The following PRDM16 variants were observed in gnomAD, a reference collection of about 807,000 sequenced individuals.
The protein encoded by PRDM16 is PR/SET domain 16.
A neutral mutation model predicts 110.6 loss-of-function variants in PRDM16; 23 were observed. That is an observed-to-expected ratio of 0.21 (90% CI 0.15 to 0.29). The LOEUF (loss-of-function observed/expected upper bound fraction) is 0.29. Among genes scored for constraint, PRDM16 ranks in the 10% least tolerant of loss-of-function variants. PRDM16 has a pLI of 1.00. For synonymous variants in PRDM16, 799 were observed against 781.8 expected (o/e 1.02, Z -0.37); for missense variants, 1,615 against 1,794.3 (o/e 0.90, Z 1.81).
chr1:3,178,234 G>A (rs1644111428), intron 1 of PRDM16, among the ~76,000 whole-genome samples: 1 of 152,188 alleles, frequency 6.6e-6, no homozygotes, highest in South Asian at 2.1e-4. Context: ...GCAGTTGCAG[G>A]GGCAGCTTTA....
rs1171983960 is a variant in PRDM16 at position 3,390,578 on chromosome 1, G to A, written c.573+5292G>A. Among the ~76,000 whole-genome samples, 5 of 152,150 alleles carry A rather than the reference G, an allele frequency of 3.3e-5. No individual in the cohort carries two copies. The South Asian group carries it at 1.0e-3, about 32-fold the overall frequency. On this transcript the variant is annotated intron_variant, in intron 4 of 16. Transcript: ENST00000270722. This position sits in a 1 kb window ranked among gnomAD's most constrained non-coding sequence, Gnocchi z 5.0. ...CAGGCATTGTGTTAGAAGAGTGGCC[G>A]CCGGTGGCCAGGCAGCACCGCGTGG...
At chr1:3,297,133 G>A (rs61237638) in intron 3 of PRDM16, among the ~76,000 whole-genome samples, 6,551 of 152,202 alleles carry the variant, frequency 0.043, 472 homozygotes, top group African/African-American at 0.15. Flanking sequence ...AAGGGGAGCG[G>A]TCAGCCCTTG....
At chr1:3,087,610 A>G (rs1339019392) in intron 1 of PRDM16, among the ~76,000 whole-genome samples, 2 of 152,108 alleles carry the variant, frequency 1.3e-5, no homozygotes, top group Non-Finnish European at 2.9e-5. Context: ...CCGCAGATGC[A>G]TTCTTAGTCA....
intron 1 of PRDM16, among the ~76,000 whole-genome samples, chr1:3,116,322 G>A (rs72846094): frequency 0.021 from 3,157 of 152,264 alleles, 111 homozygotes; most frequent in African/African-American, 0.072. Flanking sequence ...TCCGCGGTGC[G>A]TGCTTAATAC....
intron 2 of PRDM16, among the ~76,000 whole-genome samples, chr1:3,226,044 G>T (rs1240012606): frequency 3.3e-5 from 5 of 152,196 alleles, no homozygotes; most frequent in Non-Finnish European, 7.3e-5. Context: ...CCTCGACCTC[G>T]CCCAGCAGGC....
At position 3,215,359 on chromosome 1, in the gene PRDM16, G is replaced by T. The variant is rs894081352; in HGVS notation, c.388-28728G>T. Among the ~76,000 whole-genome samples the T allele has an allele frequency of 2.0e-5, 3 of 152,368 alleles. No individual in the cohort carries two copies. The East Asian group carries it at 5.8e-4, about 29-fold the overall frequency. On this transcript the variant is annotated intron_variant, in intron 2 of 16. Transcript: ENST00000270722. The stretch of plus-strand genomic sequence containing the variant: ...GCAGCCAGGCCCTGGGGACAGGCAA[G>T]GCCCACGGGGTCCAGGAGAACAGGG...
chr1:3,384,244 G>GT (rs1252149048), intron 3 of PRDM16, among the ~76,000 whole-genome samples: 1 of 152,102 alleles, frequency 6.6e-6, no homozygotes, highest in African/African-American at 2.4e-5. Flanking sequence ...TGAGTGTAGC[G>GT]TGGCCCCATC....
intron 1 of PRDM16, among the ~76,000 whole-genome samples, chr1:3,121,188 C>G (rs1029579258): frequency 1.3e-5 from 2 of 152,124 alleles, no homozygotes; most frequent in Non-Finnish European, 2.9e-5. Flanking sequence ...GCCTGGCCCC[C>G]GAGCTGCGTA....
intron 2 of PRDM16, among the ~76,000 whole-genome samples, chr1:3,211,714 G>A (rs887116831): frequency 3.9e-5 from 6 of 152,248 alleles, no homozygotes; most frequent in Non-Finnish European, 5.9e-5. Context: ...GGCACTTCAC[G>A]GACAAGCCGG....
intron 1 of PRDM16, among the ~76,000 whole-genome samples, chr1:3,126,480 C>G (rs11800064): frequency 0.083 from 12,608 of 152,236 alleles, 1,217 homozygotes; most frequent in East Asian, 0.23. Context: ...CAGCCCTCAA[C>G]GAGGGACAGT....
chr1:3,125,257 T>C (rs1643180948), intron 1 of PRDM16, among the ~76,000 whole-genome samples: 9 of 152,266 alleles, frequency 5.9e-5, no homozygotes, highest in Admixed American at 5.9e-4. Flanking sequence ...GCTGCTTTCT[T>C]AGCGGACGGC....
intron 2 of PRDM16, among the ~76,000 whole-genome samples, chr1:3,237,740 G>A (rs921497570): frequency 2.6e-5 from 4 of 152,258 alleles, no homozygotes; most frequent in Middle Eastern, 3.2e-3. Context: ...ACTCACAGGC[G>A]GGGCTGCCAG....
intron 1 of PRDM16, among the ~76,000 whole-genome samples, chr1:3,131,075 C>T (rs1032069394): frequency 2.0e-5 from 3 of 152,184 alleles, no homozygotes; most frequent in East Asian, 1.9e-4. Flanking sequence ...CTTCTGGCCA[C>T]GCCATGGTGT....
At chr1:3,335,609 A>G (rs61689079) in intron 3 of PRDM16, among the ~76,000 whole-genome samples, 10,421 of 97,220 alleles carry the variant, frequency 0.11, 479 homozygotes, top group East Asian at 0.19. Context: ...TAAAACACAC[A>G]CACACACACA....
intron 3 of PRDM16, among the ~76,000 whole-genome samples, chr1:3,374,166 G>A (rs749908117): frequency 1.1e-4 from 17 of 152,290 alleles, no homozygotes; most frequent in Non-Finnish European, 2.4e-4. Flanking sequence ...GGCCAGGGCC[G>A]GCTTTTCATG....
In PRDM16 at chr1:3,411,920, C is replaced by T. The variant is rs1643694701; in HGVS notation, c.1723C>T (p.Pro575Ser). 6.2e-7 allele frequency: 1 copy of T among 1,613,738 alleles called. No individual in the cohort carries two copies. The change falls in exon 9 of 17, where the codon CCC becomes TCC. Residue 575 changes from proline (P) to serine (S), a missense_variant. Pro to Ser is a moderately conservative substitution (Grantham distance 74). This residue lies in a region of PRDM16 where 772 missense variants were observed against 748.3 expected (regional missense o/e 1.03). Coordinates refer to ENST00000270722, the MANE Select transcript of PRDM16 (RefSeq NM_022114.4). ...SSQGTTAAAG[P>S]EEKFESRLED... is the part of the protein sequence containing the mutation. ...CCAGGGCACGACGGCAGCTGCGGGGCCCGAGGAGAAGTTCGAGAGCCGCCT... is the reference window on the plus strand; with the variant it reads ...CCAGGGCACGACGGCAGCTGCGGGGTCCGAGGAGAAGTTCGAGAGCCGCCT...
intron 12 of PRDM16, among the ~76,000 whole-genome samples, chr1:3,422,375 GCAGA>G (rs1367717190): frequency 2.6e-5 from 4 of 151,900 alleles, no homozygotes; most frequent in East Asian, 2.0e-4. Context: ...AGACTGGCAG[GCAGA>G]CAGACAGTCA....
chr1:3,261,063 C>A (rs1212992721), intron 3 of PRDM16, among the ~76,000 whole-genome samples: 1 of 150,776 alleles, frequency 6.6e-6, no homozygotes, highest in Middle Eastern at 3.2e-3. Flanking sequence ...CTAGGGAGGA[C>A]CCCGGGAGAT....
intron 2 of PRDM16, among the ~76,000 whole-genome samples, chr1:3,218,542 C>G (rs763399300): frequency 6.6e-6 from 1 of 152,188 alleles, no homozygotes; most frequent in African/African-American, 2.4e-5. Context: ...ATCGGTGGGG[C>G]CTGTCTCTTC....
Sources: allele counts gnomAD v4.1 joint callset (sites outside exome capture counted in the v4.1 genomes callset), GRCh38; gene constraint gnomAD v4.1.1; regional missense constraint gnomAD v4.1.1; non-coding constraint Gnocchi (gnomAD v3.1); transcripts MANE v1.5; gene names NCBI Gene and HGNC (gene_info 2026-07-23, HGNC 2026-07-21).